Variants in GPR83 observed in about 807,000 individuals in gnomAD.
The protein encoded by GPR83 is G-protein coupled receptor 72.
In GPR83, 23 loss-of-function variants were observed where a neutral mutation model predicts 28.0. The ratio of observed to expected loss-of-function variants is 0.82; its 90% CI spans 0.59 to 1.16. The LOEUF is 1.16. Ranked by LOEUF, GPR83 falls within the 50% of genes most tolerant of loss-of-function variation. GPR83 has a pLI of 0.00. For synonymous variants in GPR83, 234 were observed against 215.4 expected (o/e 1.09, Z -0.76); for missense variants, 610 against 536.6 (o/e 1.14, Z -1.35).
chr11:94,380,642 G>C lies in GPR83; in HGVS notation c.779C>G (p.Ala260Gly), dbSNP rs756239584. The change falls in exon 4 of 4, where the codon GCT (alanine) becomes GGT (glycine). Residue 260 changes from alanine to glycine, a missense_variant. Coordinates refer to ENST00000243673, the MANE Select transcript of GPR83 (RefSeq NM_016540.4). ...LPLLIISVAY[A>G]RVAKKLWLCN... is the part of the protein sequence containing the mutation. ...CAGCCACAGTTTCTTGGCCACACGA[G>C]CGTAGGCCACAGAGATGATGAGGAG... The C allele has an allele frequency of 6.2e-7, 1 of 1,614,074 alleles. No homozygotes were observed. The highest frequency in any genetic ancestry group is 1.3e-5 in the African/African-American group (1 of 75,042).
chr11:94,388,830 G>A (rs1944784990), intron 3 of GPR83, among the ~76,000 whole-genome samples: 1 of 152,126 alleles, frequency 6.6e-6, no homozygotes, highest in South Asian at 2.1e-4. Flanking sequence ...CTACTTTAAA[G>A]TTCATATGGA....
At chr11:94,383,665 C>T (rs1028630665) in intron 3 of GPR83, among the ~76,000 whole-genome samples, 5 of 152,066 alleles carry the variant, frequency 3.3e-5, no homozygotes, top group African/African-American at 4.8e-5. Flanking sequence ...ACCACTGATC[C>T]CACAGAAATA....
intron 3 of GPR83, among the ~76,000 whole-genome samples, chr11:94,383,946 C>A (rs1030252405): frequency 2.0e-5 from 3 of 152,042 alleles, no homozygotes; most frequent in African/African-American, 7.2e-5. Flanking sequence ...CTATTCCAAA[C>A]AATAGAAAAA....
chr11:94,389,941 C>T (rs1944799129), intron 3 of GPR83, among the ~76,000 whole-genome samples: 1 of 152,250 alleles, frequency 6.6e-6, no homozygotes, highest in African/African-American at 2.4e-5. Flanking sequence ...CAATGATAGA[C>T]TGGATTAAGA....
At position 94,380,588 on chromosome 11, in the gene GPR83, T is replaced by C. The variant is rs1176295264; in HGVS notation, c.833A>G (p.Glu278Gly). The change falls in exon 4 of 4, where the codon GAG (glutamate) becomes GGG (glycine). Residue 278 changes from glutamate (E) to glycine (G), a missense_variant. Transcript: ENST00000243673. ...LCNMIGDVTT[E>G]QYFALRRKKK... ...TTTGCGCCGCAGGGCAAAGTACTGC[T>C]CTGTGGTCACATCGCCAATCATATT... 4 of 1,613,976 alleles carry C rather than the reference T, an allele frequency of 2.5e-6. No homozygotes were observed. Among genetic ancestry groups the C allele is most frequent in the Non-Finnish European group, 3.4e-6 (4 of 1,179,980 alleles).
At chr11:94,390,537 C>G (rs1014795102) in intron 3 of GPR83, among the ~76,000 whole-genome samples, 1 of 152,174 alleles carries the variant, frequency 6.6e-6, no homozygotes, top group Admixed American at 6.6e-5. Flanking sequence ...CAAATTGTCT[C>G]TGTTTGCAGA....
At chr11:94,389,547 C>T (rs1056729422) in intron 3 of GPR83, among the ~76,000 whole-genome samples, 2 of 152,204 alleles carry the variant, frequency 1.3e-5, no homozygotes, top group Admixed American at 1.3e-4. Context: ...GACATTTATG[C>T]AGCCAACAGA....
At chr11:94,384,684 G>A (rs561753059) in intron 3 of GPR83, among the ~76,000 whole-genome samples, 102 of 152,310 alleles carry the variant, frequency 6.7e-4, no homozygotes, top group African/African-American at 2.5e-3. Context: ...GCTTGAGTAG[G>A]TAAACAAAGC....
At chr11:94,382,538 T>C (rs1168024581) in intron 3 of GPR83, among the ~76,000 whole-genome samples, 1 of 151,954 alleles carries the variant, frequency 6.6e-6, no homozygotes, top group Non-Finnish European at 1.5e-5. Context: ...TAAAGTAAGT[T>C]CTCAGAGACC....
Position 94,388,677 on chromosome 11 carries a change from T to C in GPR83, c.647+4808A>G, listed in dbSNP as rs553518187. On this transcript the variant is annotated intron_variant, in intron 3 of 3. Coordinates refer to ENST00000243673, the MANE Select transcript of GPR83 (RefSeq NM_016540.4). ...CACTGCTCAAGGAAATAAAAGAGGA[T>C]ACAAACAAATGGAAGAATATTCCAT... is the stretch of plus-strand genomic sequence containing the variant. Among the ~76,000 whole-genome samples the C allele has an allele frequency of 7.8e-4, 119 of 152,196 alleles. 2 individuals carry two copies. Among genetic ancestry groups the C allele is most frequent in the African/African-American group, 2.8e-3 (117 of 41,540 alleles).
rs1007775169 is a variant in GPR83 at position 94,380,298 on chromosome 11, G to A, written c.1123C>T (p.Pro375Ser). The part of the protein sequence containing the change: ...RPPKPQEDRP[P>S]SPVPSFRVAW... ...ACCCTGAAGGAAGGAACTGGGGAGG[G>A]TGGCCTGTCCTCCTGAGGCTTGGGA... Residue 375 changes from proline (P) to serine (S), a missense_variant, in exon 4 of 4, where the codon CCC becomes TCC. Transcript: ENST00000243673. 9 of 1,600,160 alleles carry A rather than the reference G, an allele frequency of 5.6e-6. No individual in the cohort carries two copies. The highest frequency in any genetic ancestry group is 7.7e-6 in the Non-Finnish European group (9 of 1,171,850).
rs528262886 is a variant in GPR83, at chr11:94,391,316, A to G, written c.647+2169T>C. ...ACCCCCTCTTTACACCTTATACAAA[A>G]ATCAACTCAAGATGGATCAAAGACT... On this transcript the variant is annotated intron_variant, in intron 3 of 3. Coordinates refer to ENST00000243673, the MANE Select transcript of GPR83 (RefSeq NM_016540.4). Among the ~76,000 whole-genome samples the G allele has an allele frequency of 1.4e-3, 211 of 152,314 alleles. 1 individual carries two copies. Among genetic ancestry groups the G allele is most frequent in the African/African-American group, 4.9e-3 (204 of 41,564 alleles).
intron 2 of GPR83, among the ~76,000 whole-genome samples, chr11:94,395,801 C>T (rs1944860009): frequency 6.6e-6 from 1 of 152,246 alleles, no homozygotes; most frequent in Non-Finnish European, 1.5e-5. Context: ...TCTGAACAGC[C>T]TGAATTGGTG....
intron 3 of GPR83, among the ~76,000 whole-genome samples, chr11:94,385,354 C>T (rs912486019): frequency 6.6e-6 from 1 of 152,212 alleles, no homozygotes; most frequent in African/African-American, 2.4e-5. Flanking sequence ...CGGAGAATGA[C>T]TTTGATGAGC....
intron 3 of GPR83, among the ~76,000 whole-genome samples, chr11:94,381,134 C>T (rs1401220002): frequency 6.6e-6 from 1 of 152,148 alleles, no homozygotes; most frequent in East Asian, 1.9e-4. Context: ...TCCCATTCTG[C>T]TACTTCCCCA....
rs570176776 is a variant in GPR83, at chr11:94,399,025, C to A, written c.387+1836G>T. 2.6e-4 allele frequency among the ~76,000 whole-genome samples: 39 copies of A among 152,260 alleles called. No homozygotes were observed. In the East Asian group the frequency reaches 7.0e-3, roughly 27 times the overall value. ...AGCTCTCAGGTGTAGCCTGTCCTCGCGTCCATGGCCTCCCTACCCCTTCTT... is the reference window on the plus strand; with the variant it reads ...AGCTCTCAGGTGTAGCCTGTCCTCGAGTCCATGGCCTCCCTACCCCTTCTT... On this transcript the variant is annotated intron_variant, in intron 1 of 3. Transcript: ENST00000243673.
intron 3 of GPR83, among the ~76,000 whole-genome samples, chr11:94,387,759 G>A (rs186652485): frequency 0.015 from 2,337 of 152,240 alleles, 67 homozygotes; most frequent in African/African-American, 0.054. Context: ...ACAAGGAGGA[G>A]CTGGTACCAT....
Position 94,380,828 on chromosome 11 carries a change from T to C in GPR83, c.648-55A>G, listed in dbSNP as rs1011179779. The stretch of plus-strand genomic sequence containing the variant: ...AGGTAACAGAAAGGAGATATTAGTG[T>C]GGAAAGGCTTCATCCCAAGAAGCAC... On this transcript the variant is annotated intron_variant, in intron 3 of 3. Transcript: ENST00000243673. 7 of 1,487,780 alleles carry C rather than the reference T, an allele frequency of 4.7e-6. No individual in the cohort carries two copies. In the Admixed American group the frequency reaches 9.4e-5, roughly 20 times the overall value. The allele number at this position is 1,487,780 out of a possible 1,614,324, so 92.2% of individuals were successfully genotyped here. A position where few individuals can be genotyped will look rare whatever the true frequency, so the allele number is the denominator to read the frequency against.
At chr11:94,389,424 A>C (rs1944792585) in intron 3 of GPR83, among the ~76,000 whole-genome samples, 2 of 152,216 alleles carry the variant, frequency 1.3e-5, no homozygotes, top group Non-Finnish European at 2.9e-5. Context: ...CAATCTACTC[A>C]TCTGACAAAG....
Sources: gnomAD v4.1 joint callset for allele counts (sites outside exome capture counted in the v4.1 genomes callset) on GRCh38, gnomAD v4.1.1 for gene constraint, MANE v1.5 for transcripts, NCBI Gene and HGNC (gene_info 2026-07-23, HGNC 2026-07-21) for gene names.